CEP192: variants seen among roughly 807,000 people sequenced by gnomAD.
The protein encoded by CEP192 is centrosomal protein 192, also known as centrosomal protein of 192 kDa.
CEP192 carries 151 observed loss-of-function variants against 271.8 expected under a neutral mutation model. The observed-to-expected ratio is 0.56, with a 90% confidence interval of 0.49 to 0.64. The LOEUF (loss-of-function observed/expected upper bound fraction) is 0.64. Ranked by LOEUF, CEP192 falls within the 30% of genes least tolerant of loss-of-function variation. The pLI, the probability that CEP192 is intolerant of heterozygous loss-of-function variation, is 0.00. For missense variants in CEP192, 2,910 were observed against 3,020.5 expected, an observed-to-expected ratio of 0.96 and a Z score of 0.86; for synonymous variants, 995 against 1,076.5, an observed-to-expected ratio of 0.92 and a Z score of 1.48.
Position 13,071,096 on chromosome 18 carries a change from C to A in CEP192, c.5232C>A (p.Gly1744=). ...CTCAGTATGAGGTAGTGTTAAAAGG[C>A]GAAGTCATTTCTTCAGGAAGTAAAC... ...FGPQYEVVLK[G]EVISSGSKPL... The change falls in exon 28 of 45, where the codon GGC becomes GGA. Residue 1744 remains glycine, a synonymous_variant. Coordinates refer to ENST00000506447, the MANE Select transcript of CEP192 (RefSeq NM_032142.4). The A allele has an allele frequency of 6.2e-7, 1 of 1,613,786 alleles. No individual in the cohort carries two copies. The highest frequency in any genetic ancestry group is 1.1e-5 in the South Asian group (1 of 91,068).
rs544032204 is a variant in CEP192, at chr18:13,070,671, G to T, written c.5175-368G>T. Among the ~76,000 whole-genome samples, 5 of 152,304 alleles carry T rather than the reference G, an allele frequency of 3.3e-5. No individual in the cohort carries two copies. The East Asian group carries it at 9.6e-4, about 29-fold the overall frequency. ...TGGGTTATAGAACACTTTATCGTGT[G>T]CTCAGTCTGTTCTTGTGACCTTACA... On this transcript the variant is annotated intron_variant, in intron 27 of 44. Transcript: ENST00000506447.
At chr18:13,119,251 C>G (rs886693132) in intron 44 of CEP192, among the ~76,000 whole-genome samples, 1 of 152,188 alleles carries the variant, frequency 6.6e-6, no homozygotes, top group African/African-American at 2.4e-5. Context: ...TATCTAAACT[C>G]AAATTTTATC....
chr18:13,009,272 G>C (rs895355927), intron 4 of CEP192, among the ~76,000 whole-genome samples: 2 of 152,124 alleles, frequency 1.3e-5, no homozygotes, highest in African/African-American at 4.8e-5. Context: ...TCTTAACCTT[G>C]TTGACTCATT....
intron 28 of CEP192, among the ~76,000 whole-genome samples, chr18:13,071,831 A>G (rs1403294570): frequency 6.6e-6 from 1 of 152,188 alleles, no homozygotes; most frequent in Non-Finnish European, 1.5e-5. Flanking sequence ...TCACTCAAGC[A>G]ATAACTGGCT....
Position 13,056,125 on chromosome 18 carries a change from G to C in CEP192, c.3535G>C (p.Val1179Leu). 1.2e-6 allele frequency: 2 copies of C among 1,613,142 alleles called. No individual in the cohort carries two copies. Among genetic ancestry groups the C allele is most frequent in the Non-Finnish European group, 1.7e-6 (2 of 1,179,468 alleles). The change falls in exon 19 of 45, where the codon GTG (valine) becomes CTG (leucine). Residue 1179 changes from valine (V) to leucine (L), a missense_variant. Coordinates refer to ENST00000506447, the MANE Select transcript of CEP192 (RefSeq NM_032142.4). ...GGGCAAGTCAGGTCTGAGCTGTCAG[G>C]TGGGGTCAGCCACATCACACCCTGT... ...LLGKSGLSCQ[V>L]GSATSHPVSC...
chr18:13,003,454 A>G (rs1456563565), intron 3 of CEP192, among the ~76,000 whole-genome samples: 1 of 82,092 alleles, frequency 1.2e-5, no homozygotes, highest in Non-Finnish European at 2.2e-5. Flanking sequence ...GTCTCAAGAA[A>G]AAAAAAAAAA....
chr18:12,996,993 G>T lies in CEP192; in HGVS notation c.-4-2428G>T, dbSNP rs535886597. Among the ~76,000 whole-genome samples, 38 of 152,244 alleles carry T rather than the reference G, an allele frequency of 2.5e-4. No individual in the cohort carries two copies. In the South Asian group the frequency reaches 7.1e-3, roughly 28 times the overall value. ...ATGGATAGGTGTGGTGGCAGTTCAG[G>T]GGGATAATGGGGGTGTGAGGTAGAG... is the stretch of plus-strand genomic sequence containing the variant. On this transcript the variant is annotated intron_variant, in intron 1 of 44. Transcript: ENST00000506447.
intron 3 of CEP192, among the ~76,000 whole-genome samples, chr18:13,004,953 C>T (rs2033886890): frequency 1.3e-5 from 2 of 151,988 alleles, no homozygotes; most frequent in African/African-American, 2.4e-5. Flanking sequence ...AGGGTATGGA[C>T]AGGGGCAGGG....
At chr18:13,124,605 T>C in intron 44 of CEP192, 27 bp from the exon 45 acceptor site, 1 of 1,596,908 alleles carries the variant, frequency 6.3e-7, no homozygotes, top group African/African-American at 1.3e-5. Flanking sequence ...CATGACATGC[T>C]GCTGTCATGT....
chr18:12,999,234 C>T (rs1218782208), intron 1 of CEP192, among the ~76,000 whole-genome samples, 187 bp from the exon 2 acceptor site: 1 of 152,172 alleles, frequency 6.6e-6, no homozygotes, highest in Non-Finnish European at 1.5e-5. Flanking sequence ...TTTCTATTCT[C>T]ATCTATAAAG....
chr18:13,012,968 C>T lies in CEP192; in HGVS notation c.467-5C>T, dbSNP rs1025535476. On this transcript the variant is annotated splice_polypyrimidine_tract_variant and splice_region_variant and intron_variant, in intron 4 of 44. Transcript: ENST00000506447. Reference sequence around the variant, plus strand: ...CTCTCAGTTTGTTTTTGTTTTCTTACACAGACTCACCTATTGATTTTCATT... The same window carrying T: ...CTCTCAGTTTGTTTTTGTTTTCTTATACAGACTCACCTATTGATTTTCATT... 13 of 1,496,190 alleles carry T rather than the reference C, an allele frequency of 8.7e-6. No individual in the cohort carries two copies. In the East Asian group the frequency reaches 2.5e-4, roughly 28 times the overall value. The allele number at this position is 1,496,190 out of a possible 1,614,324, so 92.7% of individuals were successfully genotyped here.
At chr18:13,016,759 C>T (rs2034670434) in intron 6 of CEP192, among the ~76,000 whole-genome samples, 1 of 152,128 alleles carries the variant, frequency 6.6e-6, no homozygotes, top group Non-Finnish European at 1.5e-5. Flanking sequence ...GTGTTGAAAA[C>T]TCCTACAGTG....
At chr18:13,036,927 G>T (rs574860714) in intron 11 of CEP192, among the ~76,000 whole-genome samples, 17 of 152,226 alleles carry the variant, frequency 1.1e-4, no homozygotes, top group African/African-American at 3.9e-4. Context: ...ATGGATGAGT[G>T]CCTCAATGCA....
intron 15 of CEP192, among the ~76,000 whole-genome samples, chr18:13,043,453 T>G (rs548138675): frequency 6.6e-6 from 1 of 152,358 alleles, no homozygotes; most frequent in South Asian, 2.1e-4. Flanking sequence ...AGAGTCTCTC[T>G]TGTGCTTCTT....
intron 20 of CEP192, chr18:13,058,241 A>AAT (rs2037218623): frequency 6.6e-6 from 1 of 152,298 alleles, no homozygotes; most frequent in African/African-American, 2.4e-5. Flanking sequence ...CTCTTACATG[A>AAT]TCAATTACAG....
chr18:13,019,167 A>C lies in CEP192; in HGVS notation c.1011A>C (p.Glu337Asp). 1 of 1,545,496 alleles carries C rather than the reference A, an allele frequency of 6.5e-7. No individual in the cohort carries two copies. Among genetic ancestry groups the C allele is most frequent in the Non-Finnish European group, 8.7e-7 (1 of 1,144,726 alleles). Residue 337 changes from glutamate to aspartate, a missense_variant, in exon 9 of 45, where the codon GAA becomes GAC. Coordinates refer to ENST00000506447, the MANE Select transcript of CEP192 (RefSeq NM_032142.4). ...CTGGTACTTGGGGAACTGAGAAAGA[A>C]ATAGAAAATTTGAAGGGTATTGTTC... ...FSSGTWGTEK[E>D]IENLKGIVPD...
rs532398075 is a variant in CEP192, at chr18:13,056,349, A to G, written c.3759A>G (p.Gln1253=). 7 of 1,614,132 alleles carry G rather than the reference A, an allele frequency of 4.3e-6. No individual in the cohort carries two copies. The East Asian group carries it at 1.1e-4, about 26-fold the overall frequency. ...CTGCTGTGCACGCACTCTTGACACAACCCTCTCTCAGCGCTGCTCCTTTTG... is the reference window on the plus strand; with the variant it reads ...CTGCTGTGCACGCACTCTTGACACAGCCCTCTCTCAGCGCTGCTCCTTTTG... ...MPAAVHALLT[Q]PSLSAAPFAQ... Residue 1253 remains glutamine, a synonymous_variant, in exon 19 of 45, where the codon CAA becomes CAG. Coordinates refer to ENST00000506447, the MANE Select transcript of CEP192 (RefSeq NM_032142.4).
chr18:13,000,085 T>TTC (rs776024898), intron 2 of CEP192, among the ~76,000 whole-genome samples: 1 of 77,356 alleles, frequency 1.3e-5, no homozygotes, highest in African/African-American at 7.8e-5. Context: ...ACTCATTGTC[T>TTC]TCTCTCTTTT....
intron 44 of CEP192, among the ~76,000 whole-genome samples, chr18:13,119,659 T>C (rs2040578344): frequency 6.6e-6 from 1 of 152,136 alleles, no homozygotes; most frequent in Non-Finnish European, 1.5e-5. Flanking sequence ...GGAGAATCCC[T>C]TGAACCTGGG....
Sources: gnomAD v4.1 joint callset for allele counts (sites outside exome capture counted in the v4.1 genomes callset) on GRCh38, gnomAD v4.1.1 for gene constraint, MANE v1.5 for transcripts, NCBI Gene and HGNC (gene_info 2026-07-23, HGNC 2026-07-21) for gene names.